Variants in DOCK9 observed in about 807,000 individuals in gnomAD.
DOCK9 encodes dedicator of cytokinesis protein 9.
A neutral mutation model predicts 263.3 loss-of-function variants in DOCK9; 89 were observed. That is an observed-to-expected ratio of 0.34 (90% CI 0.28 to 0.40). DOCK9 has a LOEUF of 0.40. DOCK9 is among the 10% of genes least tolerant of loss of function. The pLI is 1.00. For missense variants in DOCK9, 2,140 were observed against 2,603.4 expected (o/e 0.82, Z 3.87); for synonymous variants, 976 against 973.1 (o/e 1.00, Z -0.06).
chr13:98,915,909 T>G (rs1421783092), intron 7 of DOCK9, among the ~76,000 whole-genome samples: 2 of 152,224 alleles, frequency 1.3e-5, no homozygotes, highest in African/African-American at 4.8e-5. Context: ...AATTTTCATA[T>G]TTCTTCAGCT....
At chr13:98,963,440 C>G in intron 1 of DOCK9, among the ~76,000 whole-genome samples, 1 of 152,206 alleles carries the variant, frequency 6.6e-6, no homozygotes, top group East Asian at 1.9e-4. Flanking sequence ...TACAAAACCT[C>G]GAAAACCATG....
intron 1 of DOCK9, among the ~76,000 whole-genome samples, chr13:98,987,706 T>C (rs1002345579): frequency 8.5e-5 from 13 of 152,226 alleles, no homozygotes; most frequent in African/African-American, 3.1e-4. Context: ...TCAGTTCAAT[T>C]TAACCCTCGA....
intron 1 of DOCK9, chr13:98,959,352 G>C (rs180769194): frequency 1.3e-5 from 2 of 152,200 alleles, no homozygotes; most frequent in Non-Finnish European, 2.9e-5. Context: ...TCTTATGGAG[G>C]ATTAACATGA....
At chr13:98,820,555 G>A (rs1319056147) in intron 45 of DOCK9, 2 of 265,930 alleles carry the variant, frequency 7.5e-6, no homozygotes, top group Non-Finnish European at 1.5e-5. Flanking sequence ...ATAGACAGAG[G>A]AGGCTGTTCC....
At chr13:98,978,198 T>G, upstream of DOCK9, 1 of 929,288 alleles carries the variant, frequency 1.1e-6, no homozygotes, top group Non-Finnish European at 1.4e-6. Flanking sequence ...ACTGCCTCTC[T>G]GATAAAGACC....
At chr13:98,800,119 TC>T (rs774607364) in intron 50 of DOCK9, among the ~76,000 whole-genome samples, 168 bp downstream of exon 50, 10 of 152,052 alleles carry the variant, frequency 6.6e-5, no homozygotes, top group Non-Finnish European at 1.3e-4. Flanking sequence ...TCATGAGGTT[TC>T]CTCCCCCTCT....
rs368689186 is a variant in DOCK9 at position 98,875,183 on chromosome 13, G to T, written c.2943+4715C>A. Among the ~76,000 whole-genome samples the T allele has an allele frequency of 3.9e-5, 6 of 152,152 alleles. No individual in the cohort carries two copies. In the East Asian group the frequency reaches 9.6e-4, roughly 24 times the overall value. On this transcript the variant is annotated intron_variant, in intron 27 of 52. Transcript: ENST00000682017. Reference sequence around the variant, plus strand: ...CTCCAGTGACTAGGTGAGCTTCAAGGTTAAGGGTTCACTCTCAACTCCATT... The same window carrying T: ...CTCCAGTGACTAGGTGAGCTTCAAGTTTAAGGGTTCACTCTCAACTCCATT...
intron 27 of DOCK9, among the ~76,000 whole-genome samples, chr13:98,869,183 CTT>C (rs768818741): frequency 4.6e-5 from 7 of 152,374 alleles, no homozygotes; most frequent in Non-Finnish European, 8.8e-5. Flanking sequence ...TCACAATCAA[CTT>C]TACACAGTAA....
chr13:99,023,154 T>C (rs1886312547), intron 1 of DOCK9, among the ~76,000 whole-genome samples: 1 of 152,224 alleles, frequency 6.6e-6, no homozygotes, highest in Non-Finnish European at 1.5e-5. Context: ...AAGAGAGATG[T>C]GCACACCCAC....
intron 50 of DOCK9, among the ~76,000 whole-genome samples, chr13:98,799,989 G>C (rs1382285534): frequency 6.6e-6 from 1 of 152,088 alleles, no homozygotes; most frequent in Admixed American, 6.5e-5. Context: ...TTTGTATTTA[G>C]AAGAGTCTTG....
intron 15 of DOCK9, among the ~76,000 whole-genome samples, chr13:98,892,728 C>G (rs886640566): frequency 2.0e-5 from 3 of 152,128 alleles, no homozygotes. Context: ...CATATGAGGG[C>G]AATCACTTTC....
chr13:98,992,270 G>A (rs1339968936), intron 1 of DOCK9, among the ~76,000 whole-genome samples: 1 of 152,138 alleles, frequency 6.6e-6, no homozygotes, highest in African/African-American at 2.4e-5. Flanking sequence ...ATCATTTAGA[G>A]AGCTTGTTAA....
At chr13:98,897,715 C>T in intron 14 of DOCK9, 105 bp from the exon 15 acceptor site, 1 of 1,433,336 alleles carries the variant, frequency 7.0e-7, no homozygotes, top group Non-Finnish European at 9.4e-7. Context: ...ATTCCATTGG[C>T]TATAGCCAAC....
At chr13:98,945,391 G>A (rs1394772135) in intron 2 of DOCK9, among the ~76,000 whole-genome samples, 2 of 152,080 alleles carry the variant, frequency 1.3e-5, no homozygotes, top group Admixed American at 6.5e-5. Flanking sequence ...CCTTCCTCCC[G>A]TGAGCTCTCA....
At chr13:98,920,019 G>A (rs1396423145) in intron 7 of DOCK9, among the ~76,000 whole-genome samples, 1 of 152,162 alleles carries the variant, frequency 6.6e-6, no homozygotes, top group Admixed American at 6.5e-5. Context: ...ATGAATGGAG[G>A]GGTGGACAGA....
At chr13:98,882,124 G>A (rs1353402057) in intron 23 of DOCK9, 117 bp from the exon 24 acceptor site, 3 of 829,764 alleles carry the variant, frequency 3.6e-6, no homozygotes, top group Non-Finnish European at 3.9e-6. Context: ...AGGGAAGGCT[G>A]TGGTGGGCAG....
rs761658996 is a variant in DOCK9, at chr13:98,825,871, C to T, written c.5023+959G>A. The T allele has an allele frequency of 6.5e-7, 1 of 1,530,554 alleles. No individual in the cohort carries two copies. 94.8% of individuals were successfully genotyped at this position (1,530,554 alleles called of 1,614,324 possible). A position where few individuals can be genotyped will look rare whatever the true frequency, so the allele number is the denominator to read the frequency against. ...GGGGCTGGGCTGATCCTCAGGCTCA[C>T]CTCCCCGGCTCCTCCTCAGGCAGGC... On this transcript the variant is annotated intron_variant, in intron 44 of 52. Coordinates refer to ENST00000682017, the MANE Select transcript of DOCK9 (RefSeq NM_001366683.2). The surrounding 1 kb of genome is among the most constrained non-coding windows in gnomAD (Gnocchi z 4.1).
chr13:99,009,866 G>A (rs999239342), intron 1 of DOCK9, among the ~76,000 whole-genome samples: 8 of 152,074 alleles, frequency 5.3e-5, no homozygotes, highest in East Asian at 1.9e-4. Flanking sequence ...TTAGTCCTTC[G>A]GGACTGTTTG....
intron 32 of DOCK9, among the ~76,000 whole-genome samples, chr13:98,861,171 A>G (rs1175220830): frequency 1.3e-5 from 2 of 152,208 alleles, no homozygotes; most frequent in Non-Finnish European, 2.9e-5. Context: ...AGGGTGAGAT[A>G]AGCGAGGTGC....
Sources: gnomAD v4.1 joint callset for allele counts (sites outside exome capture counted in the v4.1 genomes callset) on GRCh38, gnomAD v4.1.1 for gene constraint, Gnocchi (gnomAD v3.1) non-coding constraint, MANE v1.5 for transcripts, NCBI Gene and HGNC (gene_info 2026-07-23, HGNC 2026-07-21) for gene names.